Variants in GALNTL6 observed in about 807,000 individuals in gnomAD.
GALNTL6 encodes the protein polypeptide N-acetylgalactosaminyltransferase-like 6.
GALNTL6 carries 46 observed loss-of-function variants against 73.7 expected under a neutral mutation model. The ratio of observed to expected loss-of-function variants is 0.62; its 90% CI spans 0.49 to 0.80. GALNTL6 has a LOEUF of 0.80. GALNTL6 is among the 30% of genes least tolerant of loss of function. The pLI is 0.00. For synonymous variants in GALNTL6, 259 were observed against 263.7 expected, an observed-to-expected ratio of 0.98 and a Z score of 0.17; for missense variants, 604 against 755.0, an observed-to-expected ratio of 0.80 and a Z score of 2.34.
intron 4 of GALNTL6, among the ~76,000 whole-genome samples, chr4:172,325,862 A>G (rs1740923624): frequency 6.6e-6 from 1 of 151,780 alleles, no homozygotes; most frequent in African/African-American, 2.4e-5. Flanking sequence ...TGGGGGAATA[A>G]AAAAAGAAAA....
At chr4:172,595,710 C>A (rs1414619938) in intron 5 of GALNTL6, among the ~76,000 whole-genome samples, 2 of 152,056 alleles carry the variant, frequency 1.3e-5, no homozygotes, top group Non-Finnish European at 2.9e-5. Context: ...CAGAGTATCA[C>A]CTTATTCTAA....
intron 3 of GALNTL6, among the ~76,000 whole-genome samples, chr4:172,234,237 A>G (rs1737167709): frequency 6.6e-6 from 1 of 152,064 alleles, no homozygotes; most frequent in Non-Finnish European, 1.5e-5. Flanking sequence ...AGACCCTATA[A>G]TTTTAGTTTT....
At chr4:171,943,080 T>G (rs997238896) in intron 2 of GALNTL6, among the ~76,000 whole-genome samples, 2 of 152,240 alleles carry the variant, frequency 1.3e-5, no homozygotes, top group Non-Finnish European at 2.9e-5. Context: ...ATTGTTGTTT[T>G]ATCATCAATT....
Position 172,048,247 on chromosome 4 carries a change from T to A in GALNTL6, c.139-181409T>A, listed in dbSNP as rs150765016. ...ATTTTGCTATAATATCCCATTACTA[T>A]GCTAATGTTTCAGTGCAAAAGAAGC... On this transcript the variant is annotated intron_variant, in intron 2 of 12. Coordinates refer to ENST00000506823, the MANE Select transcript of GALNTL6 (RefSeq NM_001034845.3). 4.1e-4 allele frequency among the ~76,000 whole-genome samples: 63 copies of A among 152,218 alleles called. No individual in the cohort carries two copies. The East Asian group carries it at 0.011, about 26-fold the overall frequency.
intron 2 of GALNTL6, among the ~76,000 whole-genome samples, chr4:171,851,142 C>G (rs1287217210): frequency 6.6e-6 from 1 of 152,142 alleles, no homozygotes; most frequent in Admixed American, 6.5e-5. Flanking sequence ...TATTTATTCA[C>G]TATTTCTCTT....
intron 7 of GALNTL6, among the ~76,000 whole-genome samples, chr4:172,873,017 G>A (rs1579593344): frequency 2.6e-5 from 4 of 152,134 alleles, no homozygotes; most frequent in Admixed American, 2.0e-4. Flanking sequence ...GTACTCCATC[G>A]AAAACAGAAA....
At chr4:172,202,510 C>T (rs1735986896) in intron 2 of GALNTL6, among the ~76,000 whole-genome samples, 1 of 152,008 alleles carries the variant, frequency 6.6e-6, no homozygotes. Context: ...CAAATATTGA[C>T]ATACATACTT....
At chr4:171,833,116 T>C (rs1193296757) in intron 2 of GALNTL6, among the ~76,000 whole-genome samples, 1 of 151,764 alleles carries the variant, frequency 6.6e-6, no homozygotes, top group East Asian at 1.9e-4. Context: ...ATTAAAAGTA[T>C]GTAAATGGAC....
chr4:172,215,747 C>T (rs1307398383), intron 2 of GALNTL6, among the ~76,000 whole-genome samples: 2 of 152,084 alleles, frequency 1.3e-5, no homozygotes, highest in African/African-American at 2.4e-5. Context: ...ATGTCTGTAA[C>T]TGTTTTATAT....
Position 172,248,170 on chromosome 4 carries a change from G to A in GALNTL6, c.247+18406G>A, listed in dbSNP as rs555956034. Among the ~76,000 whole-genome samples the A allele has an allele frequency of 2.0e-4, 30 of 152,258 alleles. 1 individual carries two copies. The Middle Eastern group carries it at 0.017, about 86-fold the overall frequency. ...GAATATTGAAAGGAATGAATACACA[G>A]TCAGATTACCTCAGTTAGCTAATGA... is the stretch of plus-strand genomic sequence containing the variant. On this transcript the variant is annotated intron_variant, in intron 3 of 12. Coordinates refer to ENST00000506823, the MANE Select transcript of GALNTL6 (RefSeq NM_001034845.3).
At chr4:172,123,344 C>A (rs537463140) in intron 2 of GALNTL6, among the ~76,000 whole-genome samples, 1 of 152,048 alleles carries the variant, frequency 6.6e-6, no homozygotes, top group East Asian at 1.9e-4. Flanking sequence ...TCAGAGGGAT[C>A]AAATAGAGAG....
intron 8 of GALNTL6, among the ~76,000 whole-genome samples, chr4:172,904,417 G>T (rs1350844026): frequency 1.3e-5 from 2 of 152,198 alleles, no homozygotes; most frequent in Admixed American, 6.5e-5. Context: ...CAGGGGCACT[G>T]CTGCCTTTGC....
chr4:172,116,108 A>T (rs1477762821), intron 2 of GALNTL6, among the ~76,000 whole-genome samples: 1 of 152,090 alleles, frequency 6.6e-6, no homozygotes. Context: ...TAGGTATTAT[A>T]TGTGATTTTT....
chr4:172,077,842 T>A (rs1196224037), intron 2 of GALNTL6, among the ~76,000 whole-genome samples: 1 of 152,106 alleles, frequency 6.6e-6, no homozygotes, highest in East Asian at 1.9e-4. Context: ...GCCCCTCCCA[T>A]CACAGGCCTG....
intron 2 of GALNTL6, among the ~76,000 whole-genome samples, chr4:172,085,708 A>C (rs1732012343): frequency 6.6e-6 from 1 of 151,660 alleles, no homozygotes; most frequent in South Asian, 2.1e-4. Context: ...TGTATTTAAA[A>C]ATCTAAATAT....
chr4:172,351,216 T>TATCTATC (rs1741932841), intron 5 of GALNTL6, among the ~76,000 whole-genome samples: 1 of 152,130 alleles, frequency 6.6e-6, no homozygotes, highest in Non-Finnish European at 1.5e-5. Flanking sequence ...TCTATCTATC[T>TATCTATC]ATCTATCTAT....
At chr4:172,212,405 C>T (rs192810361) in intron 2 of GALNTL6, among the ~76,000 whole-genome samples, 82 of 152,134 alleles carry the variant, frequency 5.4e-4, no homozygotes, top group Admixed American at 3.1e-3. Flanking sequence ...TGTGATCCGC[C>T]GCCTCAGCCT....
intron 5 of GALNTL6, among the ~76,000 whole-genome samples, chr4:172,628,438 C>A (rs1179517789): frequency 6.6e-6 from 1 of 151,752 alleles, no homozygotes; most frequent in Non-Finnish European, 1.5e-5. Flanking sequence ...TATTTAAACT[C>A]TGCTGCAGGT....
chr4:172,433,077 C>A (rs1731515420), intron 5 of GALNTL6, among the ~76,000 whole-genome samples: 1 of 152,108 alleles, frequency 6.6e-6, no homozygotes, highest in Admixed American at 6.6e-5. Flanking sequence ...TACAAGACAG[C>A]TTCTTTGAAT....
Sources: gnomAD v4.1 joint callset for allele counts (sites outside exome capture counted in the v4.1 genomes callset) on GRCh38, gnomAD v4.1.1 for gene constraint, MANE v1.5 for transcripts, NCBI Gene and HGNC (gene_info 2026-07-23, HGNC 2026-07-21) for gene names.